Variants in PDE3A observed in about 807,000 individuals in gnomAD.
PDE3A encodes the protein cGMP-inhibited 3',5'-cyclic phosphodiesterase 3A.
Under a neutral mutation model 98.3 loss-of-function variants are expected in PDE3A, and 43 were observed. The ratio of observed to expected loss-of-function variants is 0.44; its 90% CI spans 0.34 to 0.56. The LOEUF (loss-of-function observed/expected upper bound fraction) is 0.56, where lower values mean the gene tolerates loss of function less well. PDE3A is among the 20% of genes least tolerant of loss of function. PDE3A has a pLI of 0.01. For synonymous variants in PDE3A, 663 were observed against 567.9 expected (o/e 1.17, Z -2.38); for missense variants, 1,427 against 1,440.7 (o/e 0.99, Z 0.15).
chr12:20,511,981 A>G (rs565345990), intron 1 of PDE3A, among the ~76,000 whole-genome samples: 2 of 152,228 alleles, frequency 1.3e-5, no homozygotes, highest in South Asian at 2.1e-4. Flanking sequence ...TTTGAGGGAT[A>G]TTATAGAATA....
At chr12:20,391,664 T>A (rs1943917897) in intron 1 of PDE3A, among the ~76,000 whole-genome samples, 2 of 151,752 alleles carry the variant, frequency 1.3e-5, no homozygotes, top group South Asian at 4.1e-4. Flanking sequence ...GGAGGGAAAT[T>A]AAAGGTAGAG....
At chr12:20,562,758 G>A (rs919353162) in intron 2 of PDE3A, among the ~76,000 whole-genome samples, 9 of 152,116 alleles carry the variant, frequency 5.9e-5, no homozygotes, top group Non-Finnish European at 1.0e-4. Context: ...CAGCCAGACT[G>A]TATTAGCTGG....
At chr12:20,537,086 T>C (rs982550496) in intron 1 of PDE3A, among the ~76,000 whole-genome samples, 5 of 152,074 alleles carry the variant, frequency 3.3e-5, no homozygotes, top group Non-Finnish European at 7.4e-5. Context: ...AAAATGGTTT[T>C]TATAGCCATA....
intron 1 of PDE3A, among the ~76,000 whole-genome samples, chr12:20,520,937 A>G (rs1946412956): frequency 6.6e-6 from 1 of 152,226 alleles, no homozygotes; most frequent in Non-Finnish European, 1.5e-5. Context: ...TCCAGAGGGG[A>G]GACCTTGGCT....
intron 1 of PDE3A, among the ~76,000 whole-genome samples, chr12:20,472,725 T>C (rs1183873294): frequency 1.3e-5 from 2 of 152,152 alleles, no homozygotes; most frequent in African/African-American, 4.8e-5. Flanking sequence ...TTTTTTTCAG[T>C]GTTGGAATGT....
Position 20,581,982 on chromosome 12 carries a change from C to T in PDE3A, c.1011+25272C>T, listed in dbSNP as rs559694118. Among the ~76,000 whole-genome samples the T allele has an allele frequency of 8.5e-5, 13 of 152,106 alleles. No homozygotes were observed. In the East Asian group the frequency reaches 2.3e-3, roughly 27 times the overall value. ...CTACCAGTATAATGAAAAGAAGCTC[C>T]TTTCAAAGATTTAATTCTACGTTCT... On this transcript the variant is annotated intron_variant, in intron 2 of 15. Transcript: ENST00000359062.
At chr12:20,518,113 G>A (rs2121139845) in intron 1 of PDE3A, among the ~76,000 whole-genome samples, 1 of 152,250 alleles carries the variant, frequency 6.6e-6, no homozygotes, top group African/African-American at 2.4e-5. Flanking sequence ...CCCTAAGAAT[G>A]GGGAGACACA....
intron 15 of PDE3A, among the ~76,000 whole-genome samples, chr12:20,679,822 C>T (rs943681404): frequency 1.4e-5 from 2 of 141,236 alleles, no homozygotes; most frequent in African/African-American, 5.6e-5. Flanking sequence ...CCATCTTCCT[C>T]TTTTTTCCCC....
chr12:20,577,630 T>A (rs995198762), intron 2 of PDE3A, among the ~76,000 whole-genome samples: 1 of 152,206 alleles, frequency 6.6e-6, no homozygotes, highest in African/African-American at 2.4e-5. Context: ...AATCTCTTTA[T>A]GTTCATTATG....
At chr12:20,465,135 C>T (rs1427564629) in intron 1 of PDE3A, among the ~76,000 whole-genome samples, 1 of 152,094 alleles carries the variant, frequency 6.6e-6, no homozygotes, top group Non-Finnish European at 1.5e-5. Flanking sequence ...GGTCTAAGTT[C>T]ATCAAATCTT....
At chr12:20,638,779 A>G (rs147581816) in intron 9 of PDE3A, among the ~76,000 whole-genome samples, 2 of 152,178 alleles carry the variant, frequency 1.3e-5, no homozygotes, top group East Asian at 1.9e-4. Context: ...ATAGAGAGAC[A>G]CATCTCATCT....
At chr12:20,403,159 A>G (rs1376739403) in intron 1 of PDE3A, among the ~76,000 whole-genome samples, 1 of 152,208 alleles carries the variant, frequency 6.6e-6, no homozygotes, top group Non-Finnish European at 1.5e-5. Flanking sequence ...CTCAAGGTCT[A>G]TCTTTATCAA....
intron 1 of PDE3A, among the ~76,000 whole-genome samples, chr12:20,427,255 G>A (rs1388588823): frequency 6.6e-6 from 1 of 152,128 alleles, no homozygotes; most frequent in Non-Finnish European, 1.5e-5. Flanking sequence ...AACTCTCGTT[G>A]CTTTTTATCT....
intron 1 of PDE3A, among the ~76,000 whole-genome samples, chr12:20,547,795 A>G (rs745354953): frequency 6.6e-6 from 1 of 152,080 alleles, no homozygotes; most frequent in African/African-American, 2.4e-5. Flanking sequence ...ACGTAAACAA[A>G]CAACAGGAGA....
chr12:20,677,605 G>T (rs2066920487), intron 15 of PDE3A, among the ~76,000 whole-genome samples: 1 of 152,010 alleles, frequency 6.6e-6, no homozygotes, highest in Non-Finnish European at 1.5e-5. Flanking sequence ...GATTACAGGT[G>T]CCCGCCACCA....
At chr12:20,464,358 C>G (rs1208779754) in intron 1 of PDE3A, among the ~76,000 whole-genome samples, 2 of 152,128 alleles carry the variant, frequency 1.3e-5, no homozygotes, top group Admixed American at 1.3e-4. Context: ...GCAATATATT[C>G]ACTTAACAAG....
intron 1 of PDE3A, among the ~76,000 whole-genome samples, chr12:20,532,987 A>G (rs1941651075): frequency 1.3e-5 from 2 of 152,160 alleles, no homozygotes; most frequent in African/African-American, 4.8e-5. Flanking sequence ...GTTTCTTTTT[A>G]TTGAAAGTTT....
intron 2 of PDE3A, among the ~76,000 whole-genome samples, chr12:20,570,361 T>C (rs1435174303): frequency 8.4e-6 from 1 of 119,682 alleles, no homozygotes; most frequent in Non-Finnish European, 1.6e-5. Flanking sequence ...TGAACCAAGA[T>C]CATGCCACTG....
intron 2 of PDE3A, 104 bp downstream of exon 2, chr12:20,556,814 C>T: frequency 1.2e-6 from 1 of 811,044 alleles, no homozygotes; most frequent in Non-Finnish European, 2.1e-6. Flanking sequence ...GAGGAAGAGG[C>T]AAAATAACCA....
Sources: allele counts gnomAD v4.1 joint callset (sites outside exome capture counted in the v4.1 genomes callset), GRCh38; gene constraint gnomAD v4.1.1; transcripts MANE v1.5; gene names NCBI Gene and HGNC (gene_info 2026-07-23, HGNC 2026-07-21).